The following NR4A1 variants were observed in gnomAD, a reference collection of about 807,000 sequenced individuals.
NR4A1 encodes the protein nuclear receptor subfamily 4 group A member 1.
NR4A1 carries 24 observed loss-of-function variants against 47.5 expected under a neutral mutation model. The ratio of observed to expected loss-of-function variants is 0.50; its 90% CI spans 0.37 to 0.71. The LOEUF (loss-of-function observed/expected upper bound fraction) is 0.71. Ranked by LOEUF, NR4A1 falls within the 30% of genes least tolerant of loss-of-function variation. The pLI is 0.00. For synonymous variants in NR4A1, 353 were observed against 345.7 expected, an observed-to-expected ratio of 1.02 and a Z score of -0.24; for missense variants, 669 against 788.6, an observed-to-expected ratio of 0.85 and a Z score of 1.82.
chr12:52,053,984 G>A (rs554951696), intron 1 of NR4A1: 17 of 253,830 alleles, frequency 6.7e-5, no homozygotes, highest in East Asian at 3.2e-4. Context: ...CCCCATGGGG[G>A]AGGGGCAGGG....
intron 6 of NR4A1, 104 bp downstream of exon 6, chr12:52,057,634 C>T: frequency 7.4e-7 from 1 of 1,352,172 alleles, no homozygotes; most frequent in Non-Finnish European, 1.0e-6. Flanking sequence ...CGGGATCTAG[C>T]ACTTTCTGGG....
chr12:52,051,189 C>G (rs1330540301), upstream of NR4A1, among the ~76,000 whole-genome samples: 1 of 152,196 alleles, frequency 6.6e-6, no homozygotes, highest in Non-Finnish European at 1.5e-5. Context: ...ATTTATAGAT[C>G]AAACAATCCG....
intron 1 of NR4A1, among the ~76,000 whole-genome samples, chr12:52,053,163 G>A (rs1245622770): frequency 6.6e-6 from 1 of 152,190 alleles, no homozygotes; most frequent in Non-Finnish European, 1.5e-5. Context: ...TGTAGGTTGG[G>A]AGGGAGACTG....
upstream of NR4A1, among the ~76,000 whole-genome samples, chr12:52,051,057 C>T (rs546714258): frequency 3.9e-5 from 6 of 152,340 alleles, no homozygotes; most frequent in African/African-American, 1.2e-4. Context: ...TTCTCGGGCT[C>T]TGGCCCTCCC....
intron 4 of NR4A1, 48 bp downstream of exon 4, chr12:52,056,693 C>G: frequency 1.3e-6 from 2 of 1,506,102 alleles, no homozygotes; most frequent in African/African-American, 1.4e-5. Flanking sequence ...TGAGCACATG[C>G]AGTGCCTTTG....
chr12:52,058,830 G>A lies in NR4A1; in HGVS notation c.1683G>A (p.Glu561=). The A allele has an allele frequency of 6.2e-7, 1 of 1,613,970 alleles. No homozygotes were observed. Among genetic ancestry groups the A allele is most frequent in the South Asian group, 1.1e-5 (1 of 91,090 alleles). Reference sequence around the variant, plus strand: ...CACGTCTGTTGGGCAAACTGCCCGAGCTGCGGACCCTGTGCACCCAGGGCC... The same window carrying A: ...CACGTCTGTTGGGCAAACTGCCCGAACTGCGGACCCTGTGCACCCAGGGCC... The part of the protein sequence containing the change: ...CLSRLLGKLP[E]LRTLCTQGLQ... The change falls in exon 7 of 7, where the codon GAG becomes GAA. Residue 561 remains glutamate (E), a synonymous_variant. Transcript: ENST00000394825.
At chr12:52,030,334 C>A (rs1421434794) in intron 1 of NR4A1, among the ~76,000 whole-genome samples, 1 of 152,242 alleles carries the variant, frequency 6.6e-6, no homozygotes, top group African/African-American at 2.4e-5. Flanking sequence ...AGTGTAAGGA[C>A]TTTGAGGCCA....
At chr12:52,037,334 C>A in intron 1 of NR4A1, 4 of 982,614 alleles carry the variant, frequency 4.1e-6, no homozygotes, top group Non-Finnish European at 4.8e-6. Flanking sequence ...GCGCCCGGGA[C>A]CCCCGGCCTC....
intron 6 of NR4A1, chr12:52,058,403 T>C: frequency 2.1e-6 from 1 of 467,194 alleles, no homozygotes; most frequent in Admixed American, 4.0e-5. Context: ...CCCAATGATC[T>C]AGCCAGAAAA....
chr12:52,024,115 A>G (rs1937951120), intron 1 of NR4A1, among the ~76,000 whole-genome samples: 1 of 152,226 alleles, frequency 6.6e-6, no homozygotes, highest in African/African-American at 2.4e-5. Context: ...TCAGCAGTGA[A>G]GAAGGACCCT....
chr12:52,056,396 A>T, intron 3 of NR4A1, 98 bp from the exon 4 acceptor site: 1 of 1,508,254 alleles, frequency 6.6e-7, no homozygotes, highest in Non-Finnish European at 8.9e-7. Context: ...GGTCCTAGGG[A>T]CTCGGTGGGG....
At chr12:52,033,813 G>C (rs1266356803) in intron 1 of NR4A1, among the ~76,000 whole-genome samples, 1 of 152,232 alleles carries the variant, frequency 6.6e-6, no homozygotes, top group Non-Finnish European at 1.5e-5. Flanking sequence ...TCCTCAAGAA[G>C]AGGAAGGAAA....
intron 6 of NR4A1, among the ~76,000 whole-genome samples, 175 bp downstream of exon 6, chr12:52,057,705 G>A (rs1293071329): frequency 6.6e-6 from 1 of 152,200 alleles, no homozygotes; most frequent in Non-Finnish European, 1.5e-5. Context: ...ATTGCAGATG[G>A]GCTCAGCTGC....
At chr12:52,048,486 C>T (rs1037656686), upstream of NR4A1, among the ~76,000 whole-genome samples, 1 of 151,958 alleles carries the variant, frequency 6.6e-6, no homozygotes, top group Non-Finnish European at 1.5e-5. Context: ...CCCAGTGACT[C>T]GGGAGGCTGA....
chr12:52,055,445 T>A (rs1214399387), intron 2 of NR4A1: 1 of 602,996 alleles, frequency 1.7e-6, no homozygotes, highest in Non-Finnish European at 2.9e-6. Context: ...AGGGGTGAGA[T>A]AGGGGCAGAT....
At chr12:52,040,553 T>G (rs1187821989) in intron 1 of NR4A1, among the ~76,000 whole-genome samples, 3 of 152,116 alleles carry the variant, frequency 2.0e-5, no homozygotes, top group Non-Finnish European at 4.4e-5. Flanking sequence ...GCTTTCTGTT[T>G]GGGGTTAAAG....
intron 1 of NR4A1, among the ~76,000 whole-genome samples, chr12:52,035,384 CTG>C (rs1938213771): frequency 6.6e-6 from 1 of 151,948 alleles, no homozygotes; most frequent in African/African-American, 2.4e-5. Context: ...AAACTGGTAA[CTG>C]AGCCCTTTTT....
intron 1 of NR4A1, among the ~76,000 whole-genome samples, chr12:52,052,846 G>T (rs1390154902): frequency 6.6e-6 from 1 of 152,198 alleles, no homozygotes; most frequent in Non-Finnish European, 1.5e-5. Context: ...GGCAGATGTG[G>T]CCACCCTCAC....
chr12:52,031,403 G>A (rs900038990), intron 1 of NR4A1, among the ~76,000 whole-genome samples: 2 of 151,882 alleles, frequency 1.3e-5, no homozygotes, highest in South Asian at 2.1e-4. Context: ...TTGGGAGGCC[G>A]AGGCGGGCAG....
Sources: allele counts gnomAD v4.1 joint callset (sites outside exome capture counted in the v4.1 genomes callset), GRCh38; gene constraint gnomAD v4.1.1; transcripts MANE v1.5; gene names NCBI Gene and HGNC (gene_info 2026-07-23, HGNC 2026-07-21).